Variants in GPC6 observed in about 807,000 individuals in gnomAD.
GPC6 encodes the protein glypican-6.
In GPC6, 14 loss-of-function variants were observed where a neutral mutation model predicts 55.2. That is an observed-to-expected ratio of 0.25 (90% CI 0.17 to 0.40). The LOEUF is 0.40. Ranked by LOEUF, GPC6 falls within the 10% of genes least tolerant of loss-of-function variation. The pLI is 1.00. For missense variants in GPC6, 641 were observed against 708.5 expected (o/e 0.90, Z 1.08); for synonymous variants, 278 against 259.6 (o/e 1.07, Z -0.68).
At chr13:93,967,477 A>C (rs1681430732) in intron 3 of GPC6, among the ~76,000 whole-genome samples, 2 of 152,196 alleles carry the variant, frequency 1.3e-5, no homozygotes, top group African/African-American at 2.4e-5. Context: ...ATATTTGCTT[A>C]AAAAGACTGA....
intron 6 of GPC6, among the ~76,000 whole-genome samples, chr13:94,366,346 A>G (rs780308298): frequency 2.0e-5 from 3 of 152,186 alleles, no homozygotes; most frequent in Non-Finnish European, 2.9e-5. Context: ...AGTCCTATAC[A>G]AAGGGGTCAA....
chr13:94,007,432 C>T (rs1344593527), intron 3 of GPC6, among the ~76,000 whole-genome samples: 5 of 152,248 alleles, frequency 3.3e-5, no homozygotes, highest in Middle Eastern at 3.4e-3. Context: ...ATAGATATTG[C>T]GTGACTAGTG....
rs868338231 is a variant in GPC6 at position 93,979,487 on chromosome 13, G to A, written c.712-48242G>A. Among the ~76,000 whole-genome samples the A allele has an allele frequency of 9.9e-5, 15 of 151,472 alleles. No individual in the cohort carries two copies. The South Asian group carries it at 1.0e-3, about 11-fold the overall frequency. ...TTCCTGGCGCACTGTATTAATAATG[G>A]TAGAGCAATGCTACCCAGAGTGGTC... On this transcript the variant is annotated intron_variant, in intron 3 of 8. Coordinates refer to ENST00000377047, the MANE Select transcript of GPC6 (RefSeq NM_005708.5).
chr13:93,309,007 GA>G (rs1878970378), intron 1 of GPC6, among the ~76,000 whole-genome samples: 1 of 152,082 alleles, frequency 6.6e-6, no homozygotes, highest in African/African-American at 2.4e-5. Flanking sequence ...GGCACTTATT[GA>G]GTAGGTACTT....
At chr13:93,669,192 AT>A (rs1157791234) in intron 2 of GPC6, among the ~76,000 whole-genome samples, 2 of 151,650 alleles carry the variant, frequency 1.3e-5, no homozygotes, top group Non-Finnish European at 2.9e-5. Context: ...TAACAGGACC[AT>A]TTTTTTCATT....
intron 4 of GPC6, among the ~76,000 whole-genome samples, chr13:94,090,175 T>C (rs1180403436): frequency 6.6e-6 from 1 of 152,116 alleles, no homozygotes; most frequent in Non-Finnish European, 1.5e-5. Flanking sequence ...ATGTCTTACA[T>C]AGTGGCAGGC....
At chr13:93,610,630 T>C (rs9589794) in intron 2 of GPC6, among the ~76,000 whole-genome samples, 74 of 152,316 alleles carry the variant, frequency 4.9e-4, no homozygotes, top group African/African-American at 1.8e-3. Flanking sequence ...TATGTTTATA[T>C]GTACATGTGT....
Position 94,151,747 on chromosome 13 carries a change from G to A in GPC6, c.877+123853G>A, listed in dbSNP as rs77781400. Among the ~76,000 whole-genome samples, 182 of 152,136 alleles carry A rather than the reference G, an allele frequency of 1.2e-3. 4 individuals carry two copies. The highest frequency in any genetic ancestry group is 4.0e-3 in the African/African-American group (167 of 41,520). ...TGAGACATTTCCAGAGCCTTCCTTC[G>A]AAAGGGCATCCCTAAACAACCTGAG... On this transcript the variant is annotated intron_variant, in intron 4 of 8. Transcript: ENST00000377047.
rs9561284 is a variant in GPC6, at chr13:93,231,344, T to C, written c.160+3728T>C. Reference sequence around the variant, plus strand: ...ATATATATATACGTATATATATATATACATATATATATATACGTATATATA... The same window carrying C: ...ATATATATATACGTATATATATATACACATATATATATATACGTATATATA... On this transcript the variant is annotated intron_variant, in intron 1 of 8. Transcript: ENST00000377047. 5.2e-3 allele frequency among the ~76,000 whole-genome samples: 168 copies of C among 32,494 alleles called. 1 individual carries two copies. The highest frequency in any genetic ancestry group is 0.019 in the African/African-American group (116 of 6,030). The allele number at this position is 32,494 out of a possible 152,430, so 21.3% of individuals were successfully genotyped here.
intron 4 of GPC6, among the ~76,000 whole-genome samples, chr13:94,279,507 C>T (rs182977105): frequency 1.6e-3 from 237 of 152,132 alleles, no homozygotes; most frequent in Admixed American, 2.3e-3. Flanking sequence ...TTTGCTCTTG[C>T]TTCTCTAGTT....
intron 3 of GPC6, among the ~76,000 whole-genome samples, chr13:94,006,309 T>C (rs1352316215): frequency 4.6e-5 from 7 of 152,092 alleles, no homozygotes; most frequent in Admixed American, 4.6e-4. Context: ...AGTTTGTCGA[T>C]ATTGGGTGAT....
At chr13:93,429,834 A>G (rs1199991424) in intron 1 of GPC6, among the ~76,000 whole-genome samples, 5 of 152,110 alleles carry the variant, frequency 3.3e-5, no homozygotes, top group Non-Finnish European at 5.9e-5. Context: ...CATGAAATAA[A>G]TGACAAATAA....
intron 2 of GPC6, among the ~76,000 whole-genome samples, chr13:93,803,400 A>G (rs1886440063): frequency 6.6e-6 from 1 of 152,196 alleles, no homozygotes; most frequent in African/African-American, 2.4e-5. Flanking sequence ...TTTCCTACCC[A>G]TTATGATTGT....
intron 1 of GPC6, among the ~76,000 whole-genome samples, chr13:93,297,813 G>A (rs1289131047): frequency 2.6e-5 from 4 of 152,036 alleles, no homozygotes; most frequent in Admixed American, 6.6e-5. Flanking sequence ...GACTAAAGAC[G>A]TTGTGACTCA....
At chr13:93,648,860 G>A (rs566529534) in intron 2 of GPC6, among the ~76,000 whole-genome samples, 1 of 152,152 alleles carries the variant, frequency 6.6e-6, no homozygotes, top group South Asian at 2.1e-4. Context: ...TTCTTCCCAA[G>A]GTCTCTTAAG....
At chr13:93,583,705 C>T (rs1376014856) in intron 2 of GPC6, among the ~76,000 whole-genome samples, 1 of 152,230 alleles carries the variant, frequency 6.6e-6, no homozygotes, top group East Asian at 1.9e-4. Context: ...CGTGAACCAC[C>T]ACGCCTGGCC....
chr13:93,383,403 GA>G (rs920364565), intron 1 of GPC6, among the ~76,000 whole-genome samples: 2 of 152,060 alleles, frequency 1.3e-5, no homozygotes, highest in African/African-American at 4.8e-5. Context: ...TTTTTGCAGA[GA>G]GGGAGTCTCG....
At chr13:93,254,357 A>G (rs1264658351) in intron 1 of GPC6, among the ~76,000 whole-genome samples, 1 of 152,204 alleles carries the variant, frequency 6.6e-6, no homozygotes. Flanking sequence ...AAAGATCCAT[A>G]GATAGTACAG....
At chr13:93,775,993 A>T (rs1180456024) in intron 2 of GPC6, among the ~76,000 whole-genome samples, 1 of 150,744 alleles carries the variant, frequency 6.6e-6, no homozygotes, top group Non-Finnish European at 1.5e-5. Flanking sequence ...CCCCCTTTGG[A>T]AAACACATGA....
Sources: allele counts gnomAD v4.1 joint callset (sites outside exome capture counted in the v4.1 genomes callset), GRCh38; gene constraint gnomAD v4.1.1; transcripts MANE v1.5; gene names NCBI Gene and HGNC (gene_info 2026-07-23, HGNC 2026-07-21).